KCNK2: variants seen among roughly 807,000 people sequenced by gnomAD.
KCNK2 encodes potassium channel subfamily K member 2.
KCNK2 carries 21 observed loss-of-function variants against 40.5 expected under a neutral mutation model. That is an observed-to-expected ratio of 0.52 (90% CI 0.37 to 0.75). The LOEUF is 0.75. Among genes scored for constraint, KCNK2 ranks in the 30% least tolerant of loss-of-function variants. The probability of loss-of-function intolerance (pLI) is 0.00; values close to 1 mark genes in which losing one functional copy is unlikely to be tolerated. For missense variants in KCNK2, 399 were observed against 531.6 expected (o/e 0.75, Z 2.45); for synonymous variants, 191 against 202.2 (o/e 0.94, Z 0.47).
chr1:215,212,532 T>A, intron 6 of KCNK2, among the ~76,000 whole-genome samples: 1 of 152,140 alleles, frequency 6.6e-6, no homozygotes, highest in East Asian at 1.9e-4. Flanking sequence ...AGTAATAGTA[T>A]TGGATAAAGT....
intron 6 of KCNK2, among the ~76,000 whole-genome samples, chr1:215,229,455 C>G (rs1363777638): frequency 6.6e-6 from 1 of 151,834 alleles, no homozygotes; most frequent in East Asian, 1.9e-4. Context: ...TTTGAGCTCA[C>G]AAGATTGAGA....
At chr1:215,039,877 C>T (rs1257089326) in intron 1 of KCNK2, among the ~76,000 whole-genome samples, 1 of 152,076 alleles carries the variant, frequency 6.6e-6, no homozygotes, top group African/African-American at 2.4e-5. Flanking sequence ...TGAATGAAGG[C>T]TTTTCCTATC....
chr1:215,123,543 A>T (rs908357400), intron 2 of KCNK2, among the ~76,000 whole-genome samples: 1 of 152,192 alleles, frequency 6.6e-6, no homozygotes, highest in Admixed American at 6.5e-5. Context: ...TTCTGAAATG[A>T]GATTTTGTAT....
At chr1:215,115,355 G>A (rs1660885837) in intron 2 of KCNK2, among the ~76,000 whole-genome samples, 1 of 152,060 alleles carries the variant, frequency 6.6e-6, no homozygotes, top group African/African-American at 2.4e-5. Context: ...CCAAATTTAG[G>A]AACCCTATGG....
chr1:215,162,617 C>G (rs1663252633), intron 3 of KCNK2, among the ~76,000 whole-genome samples: 1 of 152,082 alleles, frequency 6.6e-6, no homozygotes, highest in Admixed American at 6.6e-5. Context: ...AAGAAGGGGT[C>G]CAGTTTCAGT....
chr1:215,067,065 G>A (rs545459475), intron 1 of KCNK2, among the ~76,000 whole-genome samples: 2 of 152,050 alleles, frequency 1.3e-5, no homozygotes, highest in African/African-American at 2.4e-5. Flanking sequence ...AGAAAAAAAC[G>A]AACGGGGTGG....
intron 6 of KCNK2, among the ~76,000 whole-genome samples, chr1:215,207,483 G>C (rs764576295): frequency 7.9e-5 from 12 of 152,192 alleles, no homozygotes; most frequent in Non-Finnish European, 1.8e-4. Context: ...TGTTTTAAAT[G>C]ATTAACTGTG....
intron 1 of KCNK2, among the ~76,000 whole-genome samples, chr1:215,062,118 C>T (rs1393761452): frequency 6.6e-6 from 1 of 152,106 alleles, no homozygotes; most frequent in East Asian, 1.9e-4. Flanking sequence ...CTAACCAATA[C>T]ATGGCTTTCA....
intron 6 of KCNK2, among the ~76,000 whole-genome samples, chr1:215,204,991 T>A (rs1426596060): frequency 6.6e-6 from 1 of 152,144 alleles, no homozygotes; most frequent in East Asian, 1.9e-4. Context: ...CACATGCATG[T>A]GTATACATGT....
intron 1 of KCNK2, among the ~76,000 whole-genome samples, chr1:215,059,891 C>T (rs573137192): frequency 3.3e-5 from 5 of 152,264 alleles, no homozygotes; most frequent in African/African-American, 1.2e-4. Context: ...CCATGGCTGA[C>T]GTTCTGTGGC....
At position 215,196,552 on chromosome 1, in the gene KCNK2, T is replaced by G. The variant is rs1010699568; in HGVS notation, c.963+1460T>G. Among the ~76,000 whole-genome samples, 5 of 152,318 alleles carry G rather than the reference T, an allele frequency of 3.3e-5. No homozygotes were observed. In the South Asian group the frequency reaches 8.3e-4, roughly 25 times the overall value. On this transcript the variant is annotated intron_variant, in intron 6 of 6. Coordinates refer to ENST00000444842, the MANE Select transcript of KCNK2 (RefSeq NM_001017425.3). ...TAGTTGCATCATCAAATTGAAATAT[T>G]TTTATTATAAACAAGTCAGTAAGAC...
At chr1:215,065,426 A>G (rs140995929) in intron 1 of KCNK2, among the ~76,000 whole-genome samples, 2 of 152,258 alleles carry the variant, frequency 1.3e-5, no homozygotes, top group African/African-American at 4.8e-5. Flanking sequence ...AAAAGGAAGA[A>G]GTGAAGTTAA....
At chr1:215,215,389 A>G (rs1474483843) in intron 6 of KCNK2, among the ~76,000 whole-genome samples, 1 of 152,190 alleles carries the variant, frequency 6.6e-6, no homozygotes, top group Non-Finnish European at 1.5e-5. Flanking sequence ...ACAGAAACCC[A>G]TTATAACACA....
chr1:215,203,243 C>T (rs186374473), intron 6 of KCNK2, among the ~76,000 whole-genome samples: 226 of 152,144 alleles, frequency 1.5e-3, no homozygotes, highest in Admixed American at 2.5e-3. Context: ...GTATGATTTC[C>T]GAAAAGTGAG....
At chr1:215,074,280 T>C (rs1395211597) in intron 1 of KCNK2, among the ~76,000 whole-genome samples, 1 of 152,216 alleles carries the variant, frequency 6.6e-6, no homozygotes, top group Non-Finnish European at 1.5e-5. Context: ...CTCATGTGGC[T>C]CATTTAATCA....
intron 3 of KCNK2, among the ~76,000 whole-genome samples, chr1:215,158,396 G>A (rs373254126): frequency 1.3e-5 from 2 of 152,044 alleles, no homozygotes; most frequent in South Asian, 2.1e-4. Context: ...GTTCCATAGC[G>A]GCCTCCAGGG....
At chr1:215,165,148 T>G (rs921038499) in intron 3 of KCNK2, among the ~76,000 whole-genome samples, 3 of 152,160 alleles carry the variant, frequency 2.0e-5, no homozygotes, top group Non-Finnish European at 2.9e-5. Context: ...TTGGCCACAG[T>G]TACTTTAGCA....
At chr1:215,047,628 C>G (rs181659826) in intron 1 of KCNK2, among the ~76,000 whole-genome samples, 1 of 152,110 alleles carries the variant, frequency 6.6e-6, no homozygotes, top group South Asian at 2.1e-4. Context: ...TTTGCTCCCT[C>G]TGTTAGTAGA....
intron 6 of KCNK2, among the ~76,000 whole-genome samples, chr1:215,203,826 CAGG>C (rs1665182881): frequency 6.6e-6 from 1 of 151,750 alleles, no homozygotes; most frequent in Admixed American, 6.6e-5. Flanking sequence ...ATCACAAGGT[CAGG>C]AGATCGAGAC....
Sources: allele counts gnomAD v4.1 joint callset (sites outside exome capture counted in the v4.1 genomes callset), GRCh38; gene constraint gnomAD v4.1.1; transcripts MANE v1.5; gene names NCBI Gene and HGNC (gene_info 2026-07-23, HGNC 2026-07-21).